Variants in BMPER observed in about 807,000 individuals in gnomAD.
BMPER encodes BMP-binding endothelial regulator protein.
A neutral mutation model predicts 87.3 loss-of-function variants in BMPER; 45 were observed. That is an observed-to-expected ratio of 0.52 (90% CI 0.41 to 0.66). The LOEUF (loss-of-function observed/expected upper bound fraction) is 0.66, where lower values mean the gene tolerates loss of function less well. BMPER is among the 30% of genes least tolerant of loss of function. The probability of loss-of-function intolerance (pLI) is 0.00; values close to 1 mark genes in which losing one functional copy is unlikely to be tolerated. For missense variants in BMPER, 784 were observed against 867.5 expected (o/e 0.90, Z 1.21); for synonymous variants, 326 against 316.2 (o/e 1.03, Z -0.33).
intron 2 of BMPER, among the ~76,000 whole-genome samples, chr7:33,908,506 G>A (rs1783877020): frequency 6.6e-6 from 1 of 152,154 alleles, no homozygotes; most frequent in Admixed American, 6.6e-5. Flanking sequence ...TGAAAGTGGA[G>A]ACTTAGTGAT....
rs1562776344 is a variant in BMPER at position 34,153,398 on chromosome 7, G to GTGTA, written c.*126_*127insGTAT. The GTGTA allele has an allele frequency of 2.0e-5, 16 of 784,818 alleles. No individual in the cohort carries two copies. Among genetic ancestry groups the GTGTA allele is most frequent in the Non-Finnish European group, 4.2e-6 (2 of 471,006 alleles). 48.6% of individuals were successfully genotyped at this position (784,818 alleles called of 1,614,324 possible). ...ACACACACACACAGAGTATATATGT[G>GTGTA]TATATATATATAGATATATTCAAAA... On this transcript the variant is annotated 3_prime_UTR_variant, in exon 15 of 15. Transcript: ENST00000649409.
chr7:33,912,604 T>G (rs2128601984), intron 2 of BMPER, among the ~76,000 whole-genome samples: 1 of 152,208 alleles, frequency 6.6e-6, no homozygotes, highest in Non-Finnish European at 1.5e-5. Flanking sequence ...AAAATAAAAC[T>G]AGTTAATATG....
chr7:34,081,890 G>A (rs554926949), intron 12 of BMPER, among the ~76,000 whole-genome samples: 31 of 152,054 alleles, frequency 2.0e-4, no homozygotes, highest in African/African-American at 6.5e-4. Flanking sequence ...CTTTTTGCAC[G>A]TTCTCTCTCA....
chr7:34,033,876 T>C (rs888150982), intron 6 of BMPER, among the ~76,000 whole-genome samples: 12 of 152,362 alleles, frequency 7.9e-5, no homozygotes, highest in African/African-American at 2.2e-4. Context: ...CTTCTAGTTA[T>C]GGTCTTAAAA....
chr7:34,078,773 C>A, intron 11 of BMPER, 84 bp from the exon 12 acceptor site: 1 of 1,413,278 alleles, frequency 7.1e-7, no homozygotes, highest in Non-Finnish European at 1.0e-6. Flanking sequence ...CTAAGGCTTC[C>A]CCTTACCCAG....
At chr7:34,086,160 G>A in intron 13 of BMPER, 68 bp downstream of exon 13, 3 of 1,533,490 alleles carry the variant, frequency 2.0e-6, no homozygotes, top group Non-Finnish European at 1.8e-6. Flanking sequence ...TTGGAACATG[G>A]TGTATGAAAT....
At chr7:34,025,745 G>A (rs972443418) in intron 6 of BMPER, among the ~76,000 whole-genome samples, 13 of 152,062 alleles carry the variant, frequency 8.5e-5, no homozygotes, top group Non-Finnish European at 2.9e-5. Flanking sequence ...AGGCATGTTT[G>A]CTTATGAACC....
intron 2 of BMPER, chr7:33,922,135 C>T (rs1784248233): frequency 4.2e-6 from 1 of 238,914 alleles, no homozygotes; most frequent in African/African-American, 2.2e-5. Context: ...ATTCCCATCA[C>T]CTTCACAGAA....
At chr7:33,983,514 T>A (rs1009010448) in intron 6 of BMPER, among the ~76,000 whole-genome samples, 3 of 152,170 alleles carry the variant, frequency 2.0e-5, no homozygotes, top group African/African-American at 7.2e-5. Flanking sequence ...CAGGTACATA[T>A]AGTATATAAT....
Position 33,966,464 on chromosome 7 carries a change from G to C in BMPER, c.320-15G>C. On this transcript the variant is annotated splice_polypyrimidine_tract_variant and intron_variant, in intron 3 of 14. Coordinates refer to ENST00000649409, the MANE Select transcript of BMPER (RefSeq NM_001365308.1). Reference sequence around the variant, plus strand: ...ATTCTTGGCCTTTCTTCCTGCTTCTGTGTCTCCTGTCTAGGTTGCACCTAT... The same window carrying C: ...ATTCTTGGCCTTTCTTCCTGCTTCTCTGTCTCCTGTCTAGGTTGCACCTAT... The C allele has an allele frequency of 6.2e-7, 1 of 1,610,724 alleles. No homozygotes were observed.
intron 2 of BMPER, among the ~76,000 whole-genome samples, chr7:33,935,534 G>A (rs1480211629): frequency 2.0e-5 from 3 of 151,902 alleles, no homozygotes; most frequent in African/African-American, 7.3e-5. Flanking sequence ...AGTAAATGAG[G>A]TCAGCCCCTT....
intron 4 of BMPER, among the ~76,000 whole-genome samples, chr7:33,969,216 C>A (rs1434023342): frequency 6.6e-6 from 1 of 152,128 alleles, no homozygotes; most frequent in Non-Finnish European, 1.5e-5. Context: ...TGCCACCCAT[C>A]CCATCACAGA....
At chr7:33,995,442 A>G (rs1482647135) in intron 6 of BMPER, among the ~76,000 whole-genome samples, 5 of 152,154 alleles carry the variant, frequency 3.3e-5, no homozygotes, top group South Asian at 2.1e-4. Flanking sequence ...GAGAGCCAGG[A>G]TGAGACCTCC....
At chr7:34,122,945 C>T (rs1407629613) in intron 13 of BMPER, among the ~76,000 whole-genome samples, 2 of 152,172 alleles carry the variant, frequency 1.3e-5, no homozygotes, top group Non-Finnish European at 2.9e-5. Flanking sequence ...TCTTATTTCA[C>T]ATTCATTAAT....
At chr7:33,937,515 T>G (rs998841494) in intron 3 of BMPER, 127 bp downstream of exon 3, 17 of 413,918 alleles carry the variant, frequency 4.1e-5, no homozygotes, top group South Asian at 2.0e-4. Flanking sequence ...AGAAGTAGGG[T>G]GTGTGTGTGT....
intron 6 of BMPER, among the ~76,000 whole-genome samples, chr7:34,030,901 C>A (rs1787502594): frequency 6.6e-6 from 1 of 152,052 alleles, no homozygotes; most frequent in Non-Finnish European, 1.5e-5. Flanking sequence ...CTGTGCCTCC[C>A]TATACATTGA....
intron 13 of BMPER, among the ~76,000 whole-genome samples, chr7:34,095,487 CT>C (rs1562740411): frequency 2.6e-5 from 4 of 152,184 alleles, no homozygotes; most frequent in African/African-American, 9.7e-5. Flanking sequence ...TATCTTTAAG[CT>C]TATGTCTTTT....
intron 6 of BMPER, among the ~76,000 whole-genome samples, chr7:33,982,121 GCCTCAT>G (rs1385873196): frequency 1.4e-4 from 22 of 152,218 alleles, no homozygotes; most frequent in African/African-American, 4.6e-4. Context: ...GGAAAGAGAT[GCCTCAT>G]CATTTCTGTG....
intron 13 of BMPER, among the ~76,000 whole-genome samples, chr7:34,137,854 T>C (rs1247170225): frequency 6.6e-6 from 1 of 152,186 alleles, no homozygotes; most frequent in African/African-American, 2.4e-5. Flanking sequence ...ACCTTGAATT[T>C]GATGCCAAGA....
Sources: allele counts gnomAD v4.1 joint callset (sites outside exome capture counted in the v4.1 genomes callset), GRCh38; gene constraint gnomAD v4.1.1; transcripts MANE v1.5; gene names NCBI Gene and HGNC (gene_info 2026-07-23, HGNC 2026-07-21).